Variants in GEMIN5 observed in about 807,000 individuals in gnomAD.
The protein encoded by GEMIN5 is gem-associated protein 5.
In GEMIN5, 124 loss-of-function variants were observed where a neutral mutation model predicts 176.9. The ratio of observed to expected loss-of-function variants is 0.70; its 90% CI spans 0.61 to 0.81. GEMIN5 has a LOEUF of 0.81. Ranked by LOEUF, GEMIN5 falls within the 40% of genes least tolerant of loss-of-function variation. The probability of loss-of-function intolerance (pLI) is 0.00; values close to 1 mark genes in which losing one functional copy is unlikely to be tolerated. For synonymous variants in GEMIN5, 673 were observed against 665.2 expected (o/e 1.01, Z -0.18); for missense variants, 1,843 against 1,814.6 (o/e 1.02, Z -0.28).
chr5:154,926,392 G>C (rs1019832403), intron 7 of GEMIN5, among the ~76,000 whole-genome samples: 1 of 152,016 alleles, frequency 6.6e-6, no homozygotes, highest in Non-Finnish European at 1.5e-5. Flanking sequence ...CCCCTCATTT[G>C]GCAAACTCTA....
chr5:154,927,646 T>G (rs1764075025), intron 6 of GEMIN5, 96 bp from the exon 7 acceptor site: 4 of 910,306 alleles, frequency 4.4e-6, no homozygotes, highest in Non-Finnish European at 6.7e-6. Flanking sequence ...GCAAAATGAT[T>G]TGTTGTCGTT....
chr5:154,937,647 C>T (rs1405678106), intron 1 of GEMIN5, among the ~76,000 whole-genome samples: 1 of 152,224 alleles, frequency 6.6e-6, no homozygotes, highest in Non-Finnish European at 1.5e-5. Flanking sequence ...TAGCCCCCAA[C>T]CCCAGGAAGG....
chr5:154,917,995 G>A lies in GEMIN5; in HGVS notation c.1609C>T (p.Pro537Ser). 1 of 1,608,594 alleles carries A rather than the reference G, an allele frequency of 6.2e-7. No homozygotes were observed. Among genetic ancestry groups the A allele is most frequent in the Non-Finnish European group, 8.5e-7 (1 of 1,175,518 alleles). ...RDTNSIKYKL[P>S]VHTEISWKAD... is the part of the protein sequence containing the mutation. ...TTCCAACTTATCTCTGTGTGTACAG[G>A]CAATTTGTACTAGAAAGCAAAACAA... is the stretch of plus-strand genomic sequence containing the variant. Residue 537 changes from proline to serine, a missense_variant, in exon 12 of 28, where the codon CCT (proline) becomes TCT (serine). Transcript: ENST00000285873.
intron 13 of GEMIN5, 63 bp downstream of exon 13, chr5:154,916,935 G>T: frequency 1.2e-6 from 1 of 837,252 alleles, no homozygotes; most frequent in Non-Finnish European, 1.8e-6. Context: ...AAGTAACAAA[G>T]ATTAGAATGG....
chr5:154,937,092 T>C lies in GEMIN5; in HGVS notation c.260A>G (p.Asp87Gly), dbSNP rs1360210552. The change falls in exon 2 of 28, where the codon GAC (aspartate) becomes GGC (glycine). Residue 87 changes from aspartate to glycine, a missense_variant. Physicochemically the swap from Asp to Gly is moderately conservative, Grantham distance 94. Transcript: ENST00000285873. ...ATCCCATATTTTCACAGTCCCATCG[T>C]CGGAGCTGGTGGCACAGAGGTTGTA... Reference protein sequence around the residue: ...GQYNLCATSSDDGTVKIWDVE... With the variant: ...GQYNLCATSSGDGTVKIWDVE... 1.2e-6 allele frequency: 2 copies of C among 1,613,910 alleles called. No individual in the cohort carries two copies. The highest frequency in any genetic ancestry group is 4.5e-5 in the East Asian group (2 of 44,902).
chr5:154,896,931 A>T (rs1243963136), intron 23 of GEMIN5, among the ~76,000 whole-genome samples: 1 of 152,220 alleles, frequency 6.6e-6, no homozygotes, highest in Non-Finnish European at 1.5e-5. Context: ...CTCCTATAAC[A>T]ATATCTTCTC....
chr5:154,929,403 T>C (rs941083915), intron 5 of GEMIN5, among the ~76,000 whole-genome samples: 1 of 152,190 alleles, frequency 6.6e-6, no homozygotes, highest in East Asian at 1.9e-4. Flanking sequence ...AAAGAAAAAT[T>C]TGGCAGTGAA....
At chr5:154,896,392 G>T in intron 23 of GEMIN5, 49 bp from the exon 24 acceptor site, 1 of 1,507,218 alleles carries the variant, frequency 6.6e-7, no homozygotes, top group Non-Finnish European at 8.9e-7. Flanking sequence ...GGAAAGCACT[G>T]GATGATCTCG....
rs530546373 is a variant in GEMIN5, at chr5:154,902,963, C to T, written c.2728+117G>A. On this transcript the variant is annotated intron_variant, in intron 19 of 27. Coordinates refer to ENST00000285873, the MANE Select transcript of GEMIN5 (RefSeq NM_015465.5). The stretch of plus-strand genomic sequence containing the variant: ...ATCAGGGAGCTCAAAACCTAGTTAG[C>T]TGACACGTAAAACTAACCATTATAA... 4.2e-6 allele frequency: 3 copies of T among 720,424 alleles called. No homozygotes were observed. The Admixed American group carries it at 8.1e-5, about 19-fold the overall frequency. The allele number at this position is 720,424 out of a possible 1,614,324, so 44.6% of individuals were successfully genotyped here.
intron 4 of GEMIN5, 22 bp downstream of exon 4, chr5:154,932,077 C>G: frequency 6.3e-7 from 1 of 1,583,820 alleles, no homozygotes; most frequent in Non-Finnish European, 8.6e-7. Flanking sequence ...GTGGACTTAA[C>G]TTTCCCTTAA....
Position 154,892,421 on chromosome 5 carries a change from G to C in GEMIN5, c.3726C>G (p.Ile1242Met). 1 of 1,614,182 alleles carries C rather than the reference G, an allele frequency of 6.2e-7. No individual in the cohort carries two copies. The highest frequency in any genetic ancestry group is 8.5e-7 in the Non-Finnish European group (1 of 1,180,024). ...GAAAGGCTGAGTACACTTCCTGCAT[G>C]ATGGTGAAGCTCCCTGAGTCATAGC... ...VRSYDSGSFT[I>M]MQEVYSAFLP... is the part of the protein sequence containing the mutation. Residue 1242 changes from isoleucine (I) to methionine (M), a missense_variant, in exon 25 of 28, where the codon ATC (isoleucine) becomes ATG (methionine). Transcript: ENST00000285873.
chr5:154,899,107 A>G, intron 22 of GEMIN5, 84 bp downstream of exon 22: 1 of 1,371,526 alleles, frequency 7.3e-7, no homozygotes, highest in Non-Finnish European at 1.0e-6. Flanking sequence ...CTCCACCTCT[A>G]AACTTATTAC....
At chr5:154,890,761 GTT>G (rs1279241481) in intron 26 of GEMIN5, among the ~76,000 whole-genome samples, 10 of 151,894 alleles carry the variant, frequency 6.6e-5, no homozygotes, top group African/African-American at 2.2e-4. Context: ...ACCACACCTG[GTT>G]ACTTTATTTG....
chr5:154,903,750 G>A (rs1040622365), intron 18 of GEMIN5, among the ~76,000 whole-genome samples: 2 of 152,060 alleles, frequency 1.3e-5, no homozygotes, highest in Admixed American at 1.3e-4. Flanking sequence ...ACAGTAACCG[G>A]GAGGGAGGAT....
At chr5:154,933,116 A>G (rs971141878) in intron 3 of GEMIN5, among the ~76,000 whole-genome samples, 1 of 152,204 alleles carries the variant, frequency 6.6e-6, no homozygotes, top group Non-Finnish European at 1.5e-5. Context: ...AATAATTACC[A>G]ATAGAGCTGA....
In GEMIN5 at chr5:154,898,492, G is replaced by A. The variant is rs1763401074; in HGVS notation, c.3293C>T (p.Ala1098Val). The change falls in exon 23 of 28, where the codon GCC becomes GTC. Residue 1098 changes from alanine to valine, a missense_variant. By Grantham distance (64) the Ala-to-Val change is moderately conservative. Transcript: ENST00000285873. ...ALRCAQELLL[A>V]NNWVGAQEAL... ...TTCCTGGGCTCCCACCCAGTTGTTG[G>A]CCAGAAGCAGCTCTTGGGCACATCT... The A allele has an allele frequency of 1.4e-5, 22 of 1,614,172 alleles. No individual in the cohort carries two copies. Among genetic ancestry groups the A allele is most frequent in the Non-Finnish European group, 1.9e-5 (22 of 1,180,024 alleles).
intron 15 of GEMIN5, among the ~76,000 whole-genome samples, chr5:154,908,059 C>T (rs1056983154): frequency 6.6e-6 from 1 of 151,608 alleles, no homozygotes; most frequent in East Asian, 1.9e-4. Context: ...ATGAACAGGA[C>T]ATGCTCCGAC....
rs1158796899 is a variant in GEMIN5 at position 154,897,466 on chromosome 5, A to G, written c.3345+974T>C. On this transcript the variant is annotated intron_variant, in intron 23 of 27. Transcript: ENST00000285873. ...AGATGGGAACAAAAAAATTTAAGAA[A>G]TAAAGAGATTTCCATTTTCCCACAC... Among the ~76,000 whole-genome samples the G allele has an allele frequency of 3.9e-5, 6 of 152,196 alleles. No individual in the cohort carries two copies. The East Asian group carries it at 1.2e-3, about 29-fold the overall frequency.
chr5:154,901,324 T>C lies in GEMIN5; in HGVS notation c.3014+15A>G, dbSNP rs779955359. 4.3e-6 allele frequency: 7 copies of C among 1,610,034 alleles called. No homozygotes were observed. The African/African-American group carries it at 8.0e-5, about 18-fold the overall frequency. ...TTATGTCCAAGTATTATCCCAACTC[T>C]AGGACCACACAGACCTGTAAAAATG... is the stretch of plus-strand genomic sequence containing the variant. On this transcript the variant is annotated intron_variant, in intron 21 of 27. Transcript: ENST00000285873.
Sources: gnomAD v4.1 joint callset for allele counts (sites outside exome capture counted in the v4.1 genomes callset) on GRCh38, gnomAD v4.1.1 for gene constraint, MANE v1.5 for transcripts, NCBI Gene and HGNC (gene_info 2026-07-23, HGNC 2026-07-21) for gene names.